The following ACADL variants were observed in gnomAD, a reference collection of about 807,000 sequenced individuals.
ACADL encodes the protein long-chain specific acyl-CoA dehydrogenase, mitochondrial.
Under a neutral mutation model 56.9 loss-of-function variants are expected in ACADL, and 60 were observed. The observed-to-expected ratio is 1.05, with a 90% confidence interval of 0.86 to 1.31. ACADL has a LOEUF of 1.31. Among genes scored for constraint, ACADL ranks in the 50% most tolerant of loss-of-function variants. The pLI, the probability that ACADL is intolerant of heterozygous loss-of-function variation, is 0.00. For synonymous variants in ACADL, 158 were observed against 179.7 expected (o/e 0.88, Z 0.97); for missense variants, 484 against 525.5 (o/e 0.92, Z 0.77).
intron 10 of ACADL, among the ~76,000 whole-genome samples, chr2:210,190,014 C>T (rs187748216): frequency 6.6e-6 from 1 of 152,156 alleles, no homozygotes; most frequent in Admixed American, 6.5e-5. Flanking sequence ...TCCTGGTAGA[C>T]ACACTCAAAG....
At chr2:210,197,408 G>A (rs533042996) in intron 8 of ACADL, among the ~76,000 whole-genome samples, 1 of 151,870 alleles carries the variant, frequency 6.6e-6, no homozygotes, top group South Asian at 2.1e-4. Flanking sequence ...TATTTAATTA[G>A]GTCAAATATC....
intron 6 of ACADL, 91 bp downstream of exon 6, chr2:210,205,541 A>G (rs1267512965): frequency 1.5e-6 from 2 of 1,297,942 alleles, no homozygotes; most frequent in Middle Eastern, 2.3e-4. Context: ...AGGAAATAAA[A>G]TTGTGCCACA....
intron 5 of ACADL, among the ~76,000 whole-genome samples, chr2:210,208,710 G>A (rs572374438): frequency 1.3e-5 from 2 of 152,036 alleles, no homozygotes; most frequent in African/African-American, 4.8e-5. Context: ...TAGTAAAAAT[G>A]TTCCTATACT....
chr2:210,188,275 T>G lies in ACADL; in HGVS notation c.*686A>C, dbSNP rs1258032148. The G allele has an allele frequency of 6.6e-6, 1 of 152,306 alleles. No homozygotes were observed. Among genetic ancestry groups the G allele is most frequent in the Non-Finnish European group, 1.5e-5 (1 of 68,080 alleles). 9.4% of individuals were successfully genotyped at this position (152,306 alleles called of 1,614,324 possible). A position where few individuals can be genotyped will look rare whatever the true frequency, so the allele number is the denominator to read the frequency against. ...CTTGAAATTAAAAATGATGGATTAT[T>G]CTGTGTTCTCAGATGTCAGCAATTG... On this transcript the variant is annotated 3_prime_UTR_variant, in exon 11 of 11. Transcript: ENST00000233710.
At position 210,220,673 on chromosome 2, in the gene ACADL, T is replaced by C. The variant is rs1161311601; in HGVS notation, c.207A>G (p.Gln69=). The part of the protein sequence containing the change: ...IFRKSVRKFF[Q]EEVIPHHSEW... ...CTGAGTGATGAGGAATCACTTCTTC[T>C]TGGAAAAACTTCCTTACACTTTTCC... The change falls in exon 2 of 11, where the codon CAA becomes CAG. Residue 69 remains glutamine, a synonymous_variant. Coordinates refer to ENST00000233710, the MANE Select transcript of ACADL (RefSeq NM_001608.4). 6.2e-7 allele frequency: 1 copy of C among 1,613,356 alleles called. No individual in the cohort carries two copies. The highest frequency in any genetic ancestry group is 8.5e-7 in the Non-Finnish European group (1 of 1,179,734).
Position 210,205,749 on chromosome 2 carries a change from C to G in ACADL, c.651G>C (p.Ala217=). ...GGGAGGGAGCTTCATGATTTGTGAC[C>G]GCAACTACAATCACAACATCACTTA... The part of the protein sequence containing the change: ...GSLSDVVIVV[A]VTNHEAPSPA... Residue 217 remains alanine, a synonymous_variant, in exon 6 of 11, where the codon GCG becomes GCC. Coordinates refer to ENST00000233710, the MANE Select transcript of ACADL (RefSeq NM_001608.4). The G allele has an allele frequency of 6.2e-7, 1 of 1,613,910 alleles. No homozygotes were observed. Among genetic ancestry groups the G allele is most frequent in the Non-Finnish European group, 8.5e-7 (1 of 1,179,952 alleles).
intron 5 of ACADL, 60 bp from the exon 6 acceptor site, chr2:210,205,856 A>G: frequency 3.8e-6 from 6 of 1,593,994 alleles, no homozygotes; most frequent in South Asian, 3.3e-5. Flanking sequence ...TGTGCAAGTT[A>G]TGATTGGGAG....
intron 8 of ACADL, 119 bp from the exon 9 acceptor site, chr2:210,195,457 G>A: frequency 6.1e-6 from 7 of 1,143,060 alleles, no homozygotes; most frequent in Non-Finnish European, 8.9e-6. Context: ...AAGTGGAATT[G>A]TTGGTTTTTT....
At chr2:210,192,359 C>T (rs911271418) in intron 10 of ACADL, among the ~76,000 whole-genome samples, 7 of 151,850 alleles carry the variant, frequency 4.6e-5, no homozygotes, top group Non-Finnish European at 8.8e-5. Flanking sequence ...TGTCATGGCA[C>T]GCACCTGTTA....
In ACADL at chr2:210,190,747, CTT is replaced by C. The variant is rs752079882; in HGVS notation, c.1200-1695_1200-1694del. On this transcript the variant is annotated intron_variant, in intron 10 of 10. Transcript: ENST00000233710. ...AAATAAAAAAGCAGAGAAAACACCTCTTATCTATGAAACCAACCCTCAGCAAC... is the reference window on the plus strand; with the variant it reads ...AAATAAAAAAGCAGAGAAAACACCTCATCTATGAAACCAACCCTCAGCAAC... 1.2e-4 allele frequency among the ~76,000 whole-genome samples: 18 copies of C among 152,220 alleles called. 1 individual carries two copies. In the East Asian group the frequency reaches 3.5e-3, roughly 29 times the overall value.
chr2:210,225,098 C>A, intron 1 of ACADL, 89 bp downstream of exon 1: 3 of 1,522,994 alleles, frequency 2.0e-6, no homozygotes. Flanking sequence ...GCGCGCACCG[C>A]CCTGCTTCAA....
intron 4 of ACADL, among the ~76,000 whole-genome samples, chr2:210,214,901 G>C (rs1689059761): frequency 6.6e-6 from 1 of 152,128 alleles, no homozygotes; most frequent in South Asian, 2.1e-4. Context: ...TGACAAAATT[G>C]TTAGTATTGA....
At chr2:210,198,346 T>C (rs1039211372) in intron 8 of ACADL, among the ~76,000 whole-genome samples, 2 of 152,178 alleles carry the variant, frequency 1.3e-5, no homozygotes, top group African/African-American at 4.8e-5. Flanking sequence ...GTTTGCTATT[T>C]GATAGTTAAT....
intron 5 of ACADL, among the ~76,000 whole-genome samples, chr2:210,208,379 G>A (rs1362750605): frequency 6.6e-6 from 1 of 152,112 alleles, no homozygotes. Context: ...ACAACAGTGC[G>A]ACCTAAAGTG....
chr2:210,188,831 T>C lies in ACADL; in HGVS notation c.*130A>G. 1.4e-6 allele frequency: 1 copy of C among 701,792 alleles called. No individual in the cohort carries two copies. The highest frequency in any genetic ancestry group is 1.6e-5 in the South Asian group (1 of 63,592). 43.5% of individuals were successfully genotyped at this position (701,792 alleles called of 1,614,324 possible). Reference sequence around the variant, plus strand: ...CTGTGTTAATCTTATATTTATATTTTATTTCCTTCTCTATAGAGAGAGCAG... The same window carrying C: ...CTGTGTTAATCTTATATTTATATTTCATTTCCTTCTCTATAGAGAGAGCAG... On this transcript the variant is annotated 3_prime_UTR_variant, in exon 11 of 11. Coordinates refer to ENST00000233710, the MANE Select transcript of ACADL (RefSeq NM_001608.4).
At position 210,188,920 on chromosome 2, in the gene ACADL, CGAGATTAGCTGTAATAG is replaced by C. The variant is rs778518179; in HGVS notation, c.*24_*40del. 11 of 1,418,066 alleles carry C rather than the reference CGAGATTAGCTGTAATAG, an allele frequency of 7.8e-6. No individual in the cohort carries two copies. The highest frequency in any genetic ancestry group is 5.0e-5 in the Admixed American group (3 of 59,772). 87.8% of individuals were successfully genotyped at this position (1,418,066 alleles called of 1,614,324 possible). A position where few individuals can be genotyped will look rare whatever the true frequency, so the allele number is the denominator to read the frequency against. The stretch of plus-strand genomic sequence containing the variant: ...CATTTTATCTTGAGCAGATTTAAAA[CGAGATTAGCTGTAATAG>C]GACTCCAGGATGTGGGCAGATGTCT... On this transcript the variant is annotated 3_prime_UTR_variant, in exon 11 of 11. Transcript: ENST00000233710.
intron 4 of ACADL, among the ~76,000 whole-genome samples, chr2:210,212,457 G>A (rs1260925374): frequency 2.0e-5 from 3 of 152,034 alleles, no homozygotes; most frequent in African/African-American, 7.2e-5. Flanking sequence ...GAAGAGGAAA[G>A]GAGTGGATCC....
chr2:210,192,973 T>A (rs1421824294), intron 9 of ACADL, 83 bp from the exon 10 acceptor site: 1 of 1,020,854 alleles, frequency 9.8e-7, no homozygotes, highest in Non-Finnish European at 1.5e-6. Flanking sequence ...AACTAATTAT[T>A]TACAATTGTT....
chr2:210,188,030 T>TTACA lies in ACADL; in HGVS notation c.*930_*931insTGTA, dbSNP rs1688574301. The TTACA allele has an allele frequency of 1.3e-5, 2 of 152,232 alleles. No individual in the cohort carries two copies. The highest frequency in any genetic ancestry group is 2.9e-5 in the Non-Finnish European group (2 of 68,046). The allele number at this position is 152,232 out of a possible 1,614,324, so 9.4% of individuals were successfully genotyped here. A position where few individuals can be genotyped will look rare whatever the true frequency, so the allele number is the denominator to read the frequency against. ...GCTTACTTTATTATTTACATTGCAC[T>TTACA]TATGCTTGAAATTATCTCTTTTACA... On this transcript the variant is annotated 3_prime_UTR_variant, in exon 11 of 11. Transcript: ENST00000233710.
Sources: allele counts gnomAD v4.1 joint callset (sites outside exome capture counted in the v4.1 genomes callset), GRCh38; gene constraint gnomAD v4.1.1; transcripts MANE v1.5; gene names NCBI Gene and HGNC (gene_info 2026-07-23, HGNC 2026-07-21).